Variants in PDSS1 observed in about 807,000 individuals in gnomAD.
PDSS1 encodes the protein decaprenyl diphosphate synthase subunit 1, also known as all trans-polyprenyl-diphosphate synthase PDSS1.
Under a neutral mutation model 57.5 loss-of-function variants are expected in PDSS1, and 43 were observed. The ratio of observed to expected loss-of-function variants is 0.75; its 90% CI spans 0.59 to 0.96. The LOEUF is 0.96. Ranked by LOEUF, PDSS1 falls within the 50% of genes least tolerant of loss-of-function variation. The probability of loss-of-function intolerance (pLI) is 0.00; values close to 1 mark genes in which losing one functional copy is unlikely to be tolerated. For missense variants in PDSS1, 438 were observed against 527.8 expected (o/e 0.83, Z 1.67); for synonymous variants, 175 against 191.3 (o/e 0.91, Z 0.70).
chr10:26,717,121 T>C (rs1485985958), intron 5 of PDSS1, among the ~76,000 whole-genome samples: 3 of 152,178 alleles, frequency 2.0e-5, no homozygotes, highest in Non-Finnish European at 4.4e-5. Context: ...ACATCTGAAA[T>C]ATGATGTATA....
chr10:26,740,665 T>G, intron 10 of PDSS1: 1 of 456,774 alleles, frequency 2.2e-6, no homozygotes. Context: ...AGGGAAAAAC[T>G]GGCAGCTGCT....
At position 26,705,353 on chromosome 10, in the gene PDSS1, G is replaced by A. The variant is rs1397668460; in HGVS notation, c.295G>A (p.Gly99Ser). 8.1e-6 allele frequency: 13 copies of A among 1,611,000 alleles called. No individual in the cohort carries two copies. The highest frequency in any genetic ancestry group is 3.3e-5 in the South Asian group (3 of 90,974). The change falls in exon 4 of 12, where the codon GGT becomes AGT. Residue 99 changes from glycine (G) to serine (S), a missense_variant. Transcript: ENST00000376215. ...AAAATACACCGATCCTTTCAAACTCGGTTGGAGAGACTTGAAAGGTCTGTA... is the reference window on the plus strand; with the variant it reads ...AAAATACACCGATCCTTTCAAACTCAGTTGGAGAGACTTGAAAGGTCTGTA... ...GEKYTDPFKL[G>S]WRDLKGLYED...
rs140700519 is a variant in PDSS1, at chr10:26,729,070, G to A, written c.831+4947G>A. Reference sequence around the variant, plus strand: ...GCTGGGATTATAGGCGTGAGTCACCGTGCCCAGCCATCTTATTTTATTCTG... The same window carrying A: ...GCTGGGATTATAGGCGTGAGTCACCATGCCCAGCCATCTTATTTTATTCTG... On this transcript the variant is annotated intron_variant, in intron 8 of 11. Coordinates refer to ENST00000376215, the MANE Select transcript of PDSS1 (RefSeq NM_014317.5). 2.6e-3 allele frequency among the ~76,000 whole-genome samples: 390 copies of A among 152,100 alleles called. 1 individual carries two copies. Among genetic ancestry groups the A allele is most frequent in the African/African-American group, 8.8e-3 (366 of 41,510 alleles).
intron 1 of PDSS1, among the ~76,000 whole-genome samples, chr10:26,699,289 A>G (rs1834970380): frequency 6.6e-6 from 1 of 152,010 alleles, no homozygotes; most frequent in African/African-American, 2.4e-5. Flanking sequence ...CCATTTCAGG[A>G]CTGTTCTCTC....
At chr10:26,745,391 A>G (rs10741117) in intron 11 of PDSS1, among the ~76,000 whole-genome samples, 90,722 of 152,018 alleles carry the variant, frequency 0.6, 29,798 homozygotes, top group African/African-American at 0.89. Flanking sequence ...GGAAAGGACA[A>G]GAGCTCATAG....
intron 5 of PDSS1, among the ~76,000 whole-genome samples, chr10:26,716,356 A>G (rs1835577189): frequency 6.6e-6 from 1 of 152,198 alleles, no homozygotes; most frequent in Admixed American, 6.5e-5. Context: ...GGGTCATTAT[A>G]TTATTCTATC....
intron 8 of PDSS1, among the ~76,000 whole-genome samples, chr10:26,734,905 G>A (rs756432490): frequency 1.3e-5 from 2 of 152,200 alleles, no homozygotes; most frequent in African/African-American, 2.4e-5. Flanking sequence ...CGTTTCTTTT[G>A]CATGTCAAGA....
At chr10:26,698,269 C>T (rs1564412734) in intron 1 of PDSS1, among the ~76,000 whole-genome samples, 1 of 152,176 alleles carries the variant, frequency 6.6e-6, no homozygotes. Context: ...TCAGAGCTCT[C>T]TCCGAGAAAC....
intron 8 of PDSS1, among the ~76,000 whole-genome samples, chr10:26,730,263 A>G (rs1836134712): frequency 6.6e-6 from 1 of 151,458 alleles, no homozygotes; most frequent in African/African-American, 2.4e-5. Context: ...ATTCTTGCTG[A>G]TTTCGTGTTT....
intron 8 of PDSS1, among the ~76,000 whole-genome samples, chr10:26,731,644 C>T (rs572011252): frequency 1.0e-3 from 153 of 152,358 alleles, no homozygotes; most frequent in Non-Finnish European, 9.6e-4. Context: ...TTTTCGGAAC[C>T]TCTTTTCCCA....
intron 11 of PDSS1, 36 bp downstream of exon 11, chr10:26,742,613 G>T: frequency 1.6e-6 from 2 of 1,255,544 alleles, no homozygotes; most frequent in Non-Finnish European, 1.2e-6. Flanking sequence ...GCAGCAGCAG[G>T]AACAACGTGG....
At chr10:26,709,832 C>A in intron 5 of PDSS1, 64 bp downstream of exon 5, 1 of 1,526,610 alleles carries the variant, frequency 6.6e-7, no homozygotes, top group Non-Finnish European at 9.1e-7. Context: ...CCCGGGGTTA[C>A]TTACTGTTTC....
chr10:26,731,759 T>C (rs554583269), intron 8 of PDSS1, among the ~76,000 whole-genome samples: 1 of 152,310 alleles, frequency 6.6e-6, no homozygotes, highest in South Asian at 2.1e-4. Context: ...CCTTTCTGAG[T>C]GAGGTGGAAC....
chr10:26,700,257 C>G (rs1185157390), intron 1 of PDSS1, among the ~76,000 whole-genome samples: 1 of 147,552 alleles, frequency 6.8e-6, no homozygotes, highest in African/African-American at 2.5e-5. Context: ...TCCCCCCTCC[C>G]CCCCACCCCG....
chr10:26,704,866 G>A (rs1835159504), intron 3 of PDSS1, 125 bp downstream of exon 3: 1 of 666,854 alleles, frequency 1.5e-6, no homozygotes, highest in South Asian at 1.6e-5. Flanking sequence ...TGAACTGCTG[G>A]CCTCAAGCTA....
At chr10:26,709,348 T>G (rs1232540399) in intron 4 of PDSS1, among the ~76,000 whole-genome samples, 1 of 152,160 alleles carries the variant, frequency 6.6e-6, no homozygotes, top group Non-Finnish European at 1.5e-5. Flanking sequence ...TCACCTGATG[T>G]CAGGAGTTTA....
chr10:26,743,720 T>C (rs1328300629), intron 11 of PDSS1, among the ~76,000 whole-genome samples: 1 of 152,132 alleles, frequency 6.6e-6, no homozygotes, highest in Non-Finnish European at 1.5e-5. Context: ...CAGAAACACA[T>C]TTAGAGGAAA....
chr10:26,709,592 G>A (rs368191429), intron 4 of PDSS1, 46 bp from the exon 5 acceptor site: 6 of 1,597,010 alleles, frequency 3.8e-6, no homozygotes, highest in East Asian at 2.2e-5. Flanking sequence ...TTGGCTTTCT[G>A]TGCAGTTTTT....
intron 10 of PDSS1, among the ~76,000 whole-genome samples, chr10:26,735,906 T>C (rs1322443190): frequency 6.6e-6 from 1 of 152,192 alleles, no homozygotes; most frequent in Admixed American, 6.5e-5. Context: ...TTCCATATAT[T>C]TTGGCCACTG....
Sources: allele counts gnomAD v4.1 joint callset (sites outside exome capture counted in the v4.1 genomes callset), GRCh38; gene constraint gnomAD v4.1.1; transcripts MANE v1.5; gene names NCBI Gene and HGNC (gene_info 2026-07-23, HGNC 2026-07-21).